COX18: variants seen among roughly 807,000 people sequenced by gnomAD.
COX18 encodes cytochrome c oxidase assembly factor COX18, also known as cytochrome c oxidase assembly protein COX18, mitochondrial.
COX18 carries 45 observed loss-of-function variants against 38.0 expected under a neutral mutation model. The observed-to-expected ratio is 1.18, with a 90% CI of 0.93 to 1.52. The LOEUF is 1.52. Ranked by LOEUF, COX18 falls within the 40% of genes most tolerant of loss-of-function variation. The pLI, the probability that COX18 is intolerant of heterozygous loss-of-function variation, is 0.00. For synonymous variants in COX18, 177 were observed against 169.8 expected, an observed-to-expected ratio of 1.04 and a Z score of -0.33; for missense variants, 462 against 423.8, an observed-to-expected ratio of 1.09 and a Z score of -0.79.
intron 2 of COX18, 42 bp from the exon 3 acceptor site, chr4:73,065,455 T>A (rs757680895): frequency 6.5e-7 from 1 of 1,531,602 alleles, no homozygotes; most frequent in Non-Finnish European, 8.9e-7. Flanking sequence ...AGAGAAAATG[T>A]CATCTAAGAA....
intron 5 of COX18, among the ~76,000 whole-genome samples, chr4:73,060,874 C>A: frequency 1.7e-5 from 1 of 58,422 alleles, no homozygotes. Context: ...AGCAAGACTC[C>A]ATCTCAAAAA....
chr4:73,062,060 ATTAAT>A (rs1410096823), intron 4 of COX18, 140 bp from the exon 5 acceptor site: 1 of 562,210 alleles, frequency 1.8e-6, no homozygotes, highest in Non-Finnish European at 3.1e-6. Flanking sequence ...CAAAACACTG[ATTAAT>A]TTATATGGCT....
In COX18 at chr4:73,052,728, A is replaced by G. The variant is rs986794596; in HGVS notation, c.*5386T>C. 12 of 152,212 alleles carry G rather than the reference A, an allele frequency of 7.9e-5. No homozygotes were observed. Among genetic ancestry groups the G allele is most frequent in the African/African-American group, 2.2e-4 (9 of 41,452 alleles). 9.4% of individuals were successfully genotyped at this position (152,212 alleles called of 1,614,324 possible). On this transcript the variant is annotated 3_prime_UTR_variant, in exon 6 of 6. Transcript: ENST00000507544. ...ATGCATTGTTTTACACCATATTTAC[A>G]TGAAGATTTAGCTTTAATACAGAAA...
intron 3 of COX18, 134 bp from the exon 4 acceptor site, chr4:73,065,036 G>T: frequency 1.0e-6 from 1 of 1,002,542 alleles, no homozygotes; most frequent in Non-Finnish European, 1.4e-6. Flanking sequence ...ATTTATTCCA[G>T]TTTTTCACGC....
In COX18 at chr4:73,055,395, G is replaced by C. The variant is rs983487985; in HGVS notation, c.*2719C>G. Reference sequence around the variant, plus strand: ...AACATACAGGGTTAGGTTTCTGCAAGCTTTGTTTTTGTCAACAGAACAATG... The same window carrying C: ...AACATACAGGGTTAGGTTTCTGCAACCTTTGTTTTTGTCAACAGAACAATG... On this transcript the variant is annotated 3_prime_UTR_variant, in exon 6 of 6. Coordinates refer to ENST00000507544, the MANE Select transcript of COX18 (RefSeq NM_001297732.2). 2 of 152,200 alleles carry C rather than the reference G, an allele frequency of 1.3e-5. No individual in the cohort carries two copies. The highest frequency in any genetic ancestry group is 4.8e-5 in the African/African-American group (2 of 41,448). The allele number at this position is 152,200 out of a possible 1,614,324, so 9.4% of individuals were successfully genotyped here. A position where few individuals can be genotyped will look rare whatever the true frequency, so the allele number is the denominator to read the frequency against.
intron 5 of COX18, among the ~76,000 whole-genome samples, chr4:73,058,892 T>G (rs1720019693): frequency 6.6e-6 from 1 of 152,186 alleles, no homozygotes; most frequent in African/African-American, 2.4e-5. Context: ...AGGAAGATTT[T>G]GGGATGAAAC....
At chr4:73,064,111 CCT>C (rs1469226942) in intron 4 of COX18, among the ~76,000 whole-genome samples, 2 of 151,992 alleles carry the variant, frequency 1.3e-5, no homozygotes, top group African/African-American at 4.8e-5. Context: ...ATGGTGAAAC[CCT>C]GTCTCTACTA....
intron 4 of COX18, among the ~76,000 whole-genome samples, chr4:73,064,151 G>A (rs1327695258): frequency 6.6e-6 from 1 of 152,070 alleles, no homozygotes; most frequent in Non-Finnish European, 1.5e-5. Context: ...CGGGTGTGGT[G>A]GTGTGCGCCT....
rs184704688 is a variant in COX18, at chr4:73,069,706, G to A, written c.-57C>T. On this transcript the variant is annotated 5_prime_UTR_variant, in exon 1 of 6. Coordinates refer to ENST00000507544, the MANE Select transcript of COX18 (RefSeq NM_001297732.2). ...CCTCACAATCCAGCGGACATACACCGGCCAGCCAAGGCTGATACGCGCACG... is the reference window on the plus strand; with the variant it reads ...CCTCACAATCCAGCGGACATACACCAGCCAGCCAAGGCTGATACGCGCACG... 3 of 1,483,718 alleles carry A rather than the reference G, an allele frequency of 2.0e-6. No homozygotes were observed. The highest frequency in any genetic ancestry group is 2.5e-5 in the East Asian group (1 of 40,540). The allele number at this position is 1,483,718 out of a possible 1,614,324, so 91.9% of individuals were successfully genotyped here. A position where few individuals can be genotyped will look rare whatever the true frequency, so the allele number is the denominator to read the frequency against.
In COX18 at chr4:73,061,915, A is replaced by G. The variant is rs780021687; in HGVS notation, c.729T>C (p.Cys243=). ...GVINLLIVEI[C]ALQKIGMSRF... is the part of the protein sequence containing the mutation. ...GAGACATTCCAATTTTTTGTAGAGC[A>G]CAAATCTGAAGGGGTAGAACATATA... The change falls in exon 5 of 6, where the codon TGT becomes TGC. Residue 243 remains cysteine, a synonymous_variant. Coordinates refer to ENST00000507544, the MANE Select transcript of COX18 (RefSeq NM_001297732.2). 39 of 1,570,752 alleles carry G rather than the reference A, an allele frequency of 2.5e-5. No homozygotes were observed. In the East Asian group the frequency reaches 4.7e-4, roughly 19 times the overall value.
At position 73,055,687 on chromosome 4, in the gene COX18, C is replaced by G. The variant is rs1199643837; in HGVS notation, c.*2427G>C. 6.6e-6 allele frequency: 1 copy of G among 152,134 alleles called. No individual in the cohort carries two copies. Among genetic ancestry groups the G allele is most frequent in the Non-Finnish European group, 1.5e-5 (1 of 68,028 alleles). The allele number at this position is 152,134 out of a possible 1,614,324, so 9.4% of individuals were successfully genotyped here. A position where few individuals can be genotyped will look rare whatever the true frequency, so the allele number is the denominator to read the frequency against. On this transcript the variant is annotated 3_prime_UTR_variant, in exon 6 of 6. Transcript: ENST00000507544. The stretch of plus-strand genomic sequence containing the variant: ...AGAGCTGAAACTAGAAGGCAGAGTA[C>G]CATTTGTTTCACTTCTGTTGGGAGG...
rs990246938 is a variant in COX18 at position 73,055,023 on chromosome 4, A to G, written c.*3091T>C. On this transcript the variant is annotated 3_prime_UTR_variant, in exon 6 of 6. Coordinates refer to ENST00000507544, the MANE Select transcript of COX18 (RefSeq NM_001297732.2). Reference sequence around the variant, plus strand: ...TTGCGTCTCAGCAAAAGTGACAAACACAATGGGAAAAGGAGACTGATTTCC... The same window carrying G: ...TTGCGTCTCAGCAAAAGTGACAAACGCAATGGGAAAAGGAGACTGATTTCC... 1 of 152,260 alleles carries G rather than the reference A, an allele frequency of 6.6e-6. No individual in the cohort carries two copies. The highest frequency in any genetic ancestry group is 2.4e-5 in the African/African-American group (1 of 41,470). The allele number at this position is 152,260 out of a possible 1,614,324, so 9.4% of individuals were successfully genotyped here.
At chr4:73,063,982 G>A (rs926898989) in intron 4 of COX18, among the ~76,000 whole-genome samples, 2 of 152,160 alleles carry the variant, frequency 1.3e-5, no homozygotes. Context: ...CCTGTGATAA[G>A]GGTTAAGACA....
chr4:73,067,864 A>AAAAAATATATATATATATAT, intron 2 of COX18, among the ~76,000 whole-genome samples, 165 bp downstream of exon 2: 8 of 20,020 alleles, frequency 4.0e-4, no homozygotes, highest in Non-Finnish European at 6.2e-4. Context: ...AAAAAAAAAA[A>AAAAAATATATATATATATAT]ATATATATAT....
chr4:73,062,464 CTA>C, intron 4 of COX18, among the ~76,000 whole-genome samples: 1 of 152,180 alleles, frequency 6.6e-6, no homozygotes, highest in South Asian at 2.1e-4. Flanking sequence ...TATATGGTAG[CTA>C]TTGTCACAGG....
At position 73,065,266 on chromosome 4, in the gene COX18, C is replaced by T; in HGVS notation, c.582G>A (p.Gly194=). 6.2e-7 allele frequency: 1 copy of T among 1,612,894 alleles called. No individual in the cohort carries two copies. The highest frequency in any genetic ancestry group is 8.5e-7 in the Non-Finnish European group (1 of 1,179,616). ...MSFALRNLST[G]AAHSEAGFSV... is the part of the protein sequence containing the mutation. ...AATAATTACCTTCTGAATGTGCTGC[C>T]CCCGTGCTTAAATTCCGGAGAGCAA... The change falls in exon 3 of 6, where the codon GGG becomes GGA. Residue 194 remains glycine, a synonymous_variant. Transcript: ENST00000507544.
At chr4:73,059,147 T>A (rs1459632329) in intron 5 of COX18, among the ~76,000 whole-genome samples, 1 of 152,184 alleles carries the variant, frequency 6.6e-6, no homozygotes, top group African/African-American at 2.4e-5. Context: ...TTTAGGTCAA[T>A]ACGAAGTTCT....
intron 3 of COX18, 62 bp downstream of exon 3, chr4:73,065,188 T>G: frequency 8.3e-7 from 1 of 1,204,272 alleles, no homozygotes; most frequent in Non-Finnish European, 1.1e-6. Context: ...TTTTTTTTTT[T>G]TTTTTTTTAG....
At chr4:73,063,548 C>T (rs997567707) in intron 4 of COX18, among the ~76,000 whole-genome samples, 7 of 152,138 alleles carry the variant, frequency 4.6e-5, no homozygotes, top group Non-Finnish European at 8.8e-5. Flanking sequence ...CGCCACCATG[C>T]CCCGCTATGA....
Sources: allele counts gnomAD v4.1 joint callset (sites outside exome capture counted in the v4.1 genomes callset), GRCh38; gene constraint gnomAD v4.1.1; transcripts MANE v1.5; gene names NCBI Gene and HGNC (gene_info 2026-07-23, HGNC 2026-07-21).